Variants in CPED1 observed in about 807,000 individuals in gnomAD.
CPED1 encodes the protein cadherin like and PC-esterase domain containing 1, also known as cadherin-like and PC-esterase domain-containing protein 1.
In CPED1, 114 loss-of-function variants were observed where a neutral mutation model predicts 128.2. The ratio of observed to expected loss-of-function variants is 0.89; its 90% CI spans 0.76 to 1.04. The LOEUF is 1.04. CPED1 is among the 50% of genes least tolerant of loss of function. The pLI is 0.00. For synonymous variants in CPED1, 462 were observed against 426.7 expected (o/e 1.08, Z -1.02); for missense variants, 1,211 against 1,207.1 (o/e 1.00, Z -0.05).
chr7:121,254,208 C>T (rs1798752883), intron 18 of CPED1, among the ~76,000 whole-genome samples: 1 of 151,996 alleles, frequency 6.6e-6, no homozygotes, highest in Non-Finnish European at 1.5e-5. Flanking sequence ...ATACAAAGCA[C>T]ATTCTCACAC....
chr7:121,221,336 G>A (rs1797872766), intron 16 of CPED1, among the ~76,000 whole-genome samples: 2 of 152,142 alleles, frequency 1.3e-5, no homozygotes, highest in Admixed American at 1.3e-4. Context: ...GTGTATATGT[G>A]CCACATTTTC....
rs1024262420 is a variant in CPED1, at chr7:120,997,565, ATTAG to A, written c.249+7700_249+7703del. On this transcript the variant is annotated intron_variant, in intron 2 of 22. Coordinates refer to ENST00000310396, the MANE Select transcript of CPED1 (RefSeq NM_024913.5). ...TGGAAATAGGGTTATCGCAGATATAATTAGTTAGGATGAGGTCACACTGGAGTAA... is the reference window on the plus strand; with the variant it reads ...TGGAAATAGGGTTATCGCAGATATAATTAGGATGAGGTCACACTGGAGTAA... Among the ~76,000 whole-genome samples, 325 of 152,314 alleles carry A rather than the reference ATTAG, an allele frequency of 2.1e-3. 3 individuals carry two copies. The highest frequency in any genetic ancestry group is 7.7e-3 in the African/African-American group (320 of 41,558).
intron 18 of CPED1, among the ~76,000 whole-genome samples, chr7:121,254,552 C>G (rs1022154547): frequency 4.6e-5 from 7 of 151,720 alleles, no homozygotes; most frequent in Non-Finnish European, 1.0e-4. Flanking sequence ...AAATAAATAA[C>G]TAATGTTAGA....
At chr7:121,143,547 T>C (rs977161417) in intron 16 of CPED1, among the ~76,000 whole-genome samples, 2 of 152,024 alleles carry the variant, frequency 1.3e-5, no homozygotes, top group Non-Finnish European at 2.9e-5. Flanking sequence ...CTCAACTTGC[T>C]TCTGAATTGA....
intron 17 of CPED1, among the ~76,000 whole-genome samples, chr7:121,243,537 A>G (rs1798450433): frequency 6.6e-6 from 1 of 152,198 alleles, no homozygotes; most frequent in South Asian, 2.1e-4. Flanking sequence ...AGATGAATAC[A>G]ATATTGCAAA....
In CPED1 at chr7:121,217,665, C is replaced by T. The variant is rs138745786; in HGVS notation, c.2056-19049C>T. Among the ~76,000 whole-genome samples, 503 of 152,152 alleles carry T rather than the reference C, an allele frequency of 3.3e-3. 3 individuals carry two copies. Among genetic ancestry groups the T allele is most frequent in the Non-Finnish European group, 5.1e-3 (347 of 67,960 alleles). On this transcript the variant is annotated intron_variant, in intron 16 of 22. Coordinates refer to ENST00000310396, the MANE Select transcript of CPED1 (RefSeq NM_024913.5). ...TGACAGACTTGATAGGGCATGATGT[C>T]TGGCTGGTGTCTTCAACAGTTAACA...
chr7:121,000,858 T>C (rs1017319871), intron 2 of CPED1, among the ~76,000 whole-genome samples: 5 of 152,284 alleles, frequency 3.3e-5, no homozygotes, highest in Admixed American at 6.5e-5. Flanking sequence ...TCTACATTTT[T>C]AAATCCTCAG....
rs116116612 is a variant in CPED1, at chr7:121,138,314, C to T, written c.1699+2224C>T. ...AATAGGTTAAGCAGCCTGCTACCACCGTACCTCGTGCTGGGTTCTCCGTAG... is the reference window on the plus strand; with the variant it reads ...AATAGGTTAAGCAGCCTGCTACCACTGTACCTCGTGCTGGGTTCTCCGTAG... On this transcript the variant is annotated intron_variant, in intron 14 of 22. Coordinates refer to ENST00000310396, the MANE Select transcript of CPED1 (RefSeq NM_024913.5). Among the ~76,000 whole-genome samples the T allele has an allele frequency of 6.7e-3, 1,017 of 152,150 alleles. 9 individuals are homozygous for T. Among genetic ancestry groups the T allele is most frequent in the African/African-American group, 0.023 (942 of 41,544 alleles).
intron 4 of CPED1, among the ~76,000 whole-genome samples, chr7:121,062,568 C>T (rs1216760533): frequency 6.6e-6 from 1 of 152,118 alleles, no homozygotes; most frequent in Non-Finnish European, 1.5e-5. Flanking sequence ...TGAGATTTCT[C>T]ACTTTTGGAT....
chr7:121,007,078 T>C (rs1317614143), intron 2 of CPED1, among the ~76,000 whole-genome samples: 1 of 152,130 alleles, frequency 6.6e-6, no homozygotes, highest in Non-Finnish European at 1.5e-5. Flanking sequence ...CTTGTGTTCT[T>C]AGTTTTGCCT....
intron 2 of CPED1, among the ~76,000 whole-genome samples, chr7:120,995,368 C>A (rs931772572): frequency 1.3e-5 from 2 of 152,186 alleles, no homozygotes; most frequent in Admixed American, 1.3e-4. Context: ...CACAACACAA[C>A]AAGGTTATTC....
At chr7:121,071,333 C>T (rs1297389039) in intron 5 of CPED1, among the ~76,000 whole-genome samples, 1 of 152,118 alleles carries the variant, frequency 6.6e-6, no homozygotes, top group Non-Finnish European at 1.5e-5. Flanking sequence ...CACATGGTTT[C>T]CTATACTCCT....
intron 16 of CPED1, among the ~76,000 whole-genome samples, chr7:121,158,794 A>G (rs941719197): frequency 1.4e-4 from 21 of 152,140 alleles, no homozygotes; most frequent in Non-Finnish European, 2.6e-4. Flanking sequence ...GTCATTTTCT[A>G]TTTGATGCTT....
intron 17 of CPED1, among the ~76,000 whole-genome samples, chr7:121,240,359 AT>A: frequency 6.6e-6 from 1 of 152,266 alleles, no homozygotes; most frequent in Non-Finnish European, 1.5e-5. Flanking sequence ...ATGCTCTGAG[AT>A]TCTGAGATCT....
intron 3 of CPED1, among the ~76,000 whole-genome samples, chr7:121,016,533 T>C (rs1792304932): frequency 6.6e-6 from 1 of 152,196 alleles, no homozygotes; most frequent in Non-Finnish European, 1.5e-5. Context: ...GAAATATTAA[T>C]TCCAACCCCT....
At chr7:121,260,204 G>A (rs1326528860) in intron 18 of CPED1, among the ~76,000 whole-genome samples, 1 of 126,882 alleles carries the variant, frequency 7.9e-6, no homozygotes, top group Admixed American at 8.4e-5. Context: ...AGGTGATGTT[G>A]TAGAGTTGCT....
intron 16 of CPED1, among the ~76,000 whole-genome samples, chr7:121,149,949 C>T (rs887564647): frequency 6.6e-6 from 1 of 152,118 alleles, no homozygotes; most frequent in African/African-American, 2.4e-5. Flanking sequence ...TCTTCACTTC[C>T]TTCCCCATTT....
chr7:121,189,799 A>C (rs3958029), intron 16 of CPED1, among the ~76,000 whole-genome samples: 1 of 31,264 alleles, frequency 3.2e-5, no homozygotes, highest in African/African-American at 9.8e-5. Context: ...TATATATATA[A>C]AATTTGTATT....
chr7:121,060,820 C>A (rs956939531), intron 4 of CPED1, among the ~76,000 whole-genome samples: 4 of 152,194 alleles, frequency 2.6e-5, no homozygotes, highest in Non-Finnish European at 4.4e-5. Flanking sequence ...AAGCTTTGTT[C>A]TTTTGCGCTT....
Sources: allele counts gnomAD v4.1 joint callset (sites outside exome capture counted in the v4.1 genomes callset), GRCh38; gene constraint gnomAD v4.1.1; transcripts MANE v1.5; gene names NCBI Gene and HGNC (gene_info 2026-07-23, HGNC 2026-07-21).